The following GALNTL6 variants were observed in gnomAD, a reference collection of about 807,000 sequenced individuals.
GALNTL6 encodes polypeptide N-acetylgalactosaminyltransferase like 6.
A neutral mutation model predicts 73.7 loss-of-function variants in GALNTL6; 46 were observed. That is an observed-to-expected ratio of 0.62 (90% CI 0.49 to 0.80). GALNTL6 has a LOEUF of 0.80. Among genes scored for constraint, GALNTL6 ranks in the 30% least tolerant of loss-of-function variants. GALNTL6 has a pLI of 0.00. For missense variants in GALNTL6, 604 were observed against 755.0 expected, an observed-to-expected ratio of 0.80 and a Z score of 2.34; for synonymous variants, 259 against 263.7, an observed-to-expected ratio of 0.98 and a Z score of 0.17.
chr4:172,562,321 C>A (rs1047030999), intron 5 of GALNTL6, among the ~76,000 whole-genome samples: 1 of 152,152 alleles, frequency 6.6e-6, no homozygotes, highest in Non-Finnish European at 1.5e-5. Context: ...ACAGAAGAAG[C>A]CATTACCATT....
At chr4:172,649,084 A>G (rs887562835) in intron 5 of GALNTL6, among the ~76,000 whole-genome samples, 26 of 152,282 alleles carry the variant, frequency 1.7e-4, no homozygotes, top group African/African-American at 6.0e-4. Context: ...TTTTTACCCC[A>G]TACTTCAACG....
intron 5 of GALNTL6, among the ~76,000 whole-genome samples, chr4:172,638,818 T>G (rs577307557): frequency 1.1e-4 from 17 of 152,290 alleles, no homozygotes; most frequent in African/African-American, 4.1e-4. Context: ...AATTGTCATC[T>G]TGCCTCTAAT....
intron 2 of GALNTL6, among the ~76,000 whole-genome samples, chr4:172,042,057 C>G (rs1742101488): frequency 6.6e-6 from 1 of 152,028 alleles, no homozygotes; most frequent in Admixed American, 6.6e-5. Flanking sequence ...GGTATTCAGC[C>G]ACCTTCCAGC....
intron 2 of GALNTL6, among the ~76,000 whole-genome samples, chr4:172,010,710 G>C (rs1368338153): frequency 1.3e-5 from 2 of 151,930 alleles, no homozygotes; most frequent in Admixed American, 1.3e-4. Flanking sequence ...CTAAGAGCAT[G>C]GCATACAAGG....
intron 2 of GALNTL6, among the ~76,000 whole-genome samples, chr4:172,032,435 A>G (rs1010241916): frequency 1.3e-5 from 2 of 152,108 alleles, no homozygotes; most frequent in African/African-American, 2.4e-5. Flanking sequence ...AAATAATGCT[A>G]AAGAATTATC....
intron 3 of GALNTL6, among the ~76,000 whole-genome samples, chr4:172,237,293 T>C (rs1227659883): frequency 6.6e-6 from 1 of 152,200 alleles, no homozygotes; most frequent in Non-Finnish European, 1.5e-5. Context: ...ATCTCCAAAA[T>C]TCCACAATGG....
chr4:172,735,491 G>A (rs923039903), intron 5 of GALNTL6, among the ~76,000 whole-genome samples: 19 of 152,072 alleles, frequency 1.2e-4, no homozygotes, highest in African/African-American at 2.2e-4. Context: ...TTATAGGCTC[G>A]TAGGCAGAAG....
At chr4:173,009,525 A>G (rs1752451848) in intron 11 of GALNTL6, among the ~76,000 whole-genome samples, 1 of 152,256 alleles carries the variant, frequency 6.6e-6, no homozygotes, top group Admixed American at 6.5e-5. Flanking sequence ...GTACACAATT[A>G]TCCTCTAAAT....
chr4:172,651,613 C>A (rs1740479154), intron 5 of GALNTL6, among the ~76,000 whole-genome samples: 2 of 152,154 alleles, frequency 1.3e-5, no homozygotes, highest in African/African-American at 4.8e-5. Context: ...TACCTTATTT[C>A]ATCATATATA....
At chr4:172,791,604 G>C (rs1437481558) in intron 5 of GALNTL6, among the ~76,000 whole-genome samples, 1 of 152,152 alleles carries the variant, frequency 6.6e-6, no homozygotes, top group Non-Finnish European at 1.5e-5. Flanking sequence ...TGTCCTCTGA[G>C]GGGGAGGGTG....
chr4:172,160,891 GACACAC>G (rs770975013), intron 2 of GALNTL6, among the ~76,000 whole-genome samples: 3 of 110,882 alleles, frequency 2.7e-5, no homozygotes, highest in Non-Finnish European at 5.6e-5. Flanking sequence ...TATATATATA[GACACAC>G]ACACACACAC....
In GALNTL6 at chr4:172,972,205, C is replaced by T. The variant is rs148783742; in HGVS notation, c.1371+19947C>T. Among the ~76,000 whole-genome samples, 590 of 152,176 alleles carry T rather than the reference C, an allele frequency of 3.9e-3. 2 individuals are homozygous for T. Among genetic ancestry groups the T allele is most frequent in the African/African-American group, 0.014 (563 of 41,520 alleles). ...AGAAAGAAACATGCTAATAATAGAA[C>T]CTTAACACACCTCTCTTGATCCAAG... On this transcript the variant is annotated intron_variant, in intron 10 of 12. Coordinates refer to ENST00000506823, the MANE Select transcript of GALNTL6 (RefSeq NM_001034845.3).
intron 5 of GALNTL6, among the ~76,000 whole-genome samples, chr4:172,719,044 C>T (rs4569731): frequency 0.76 from 115,828 of 152,090 alleles, 45,388 homozygotes; most frequent in Middle Eastern, 0.89. Flanking sequence ...TGGCCAGACA[C>T]CTTTCTTTCG....
chr4:172,040,240 A>G (rs1334928107), intron 2 of GALNTL6, among the ~76,000 whole-genome samples: 1 of 152,076 alleles, frequency 6.6e-6, no homozygotes, highest in African/African-American at 2.4e-5. Flanking sequence ...ATAACCAACA[A>G]TTTAAATACT....
intron 5 of GALNTL6, among the ~76,000 whole-genome samples, chr4:172,586,139 C>G (rs934894308): frequency 7.9e-5 from 12 of 152,136 alleles, no homozygotes; most frequent in African/African-American, 2.9e-4. Context: ...TACTATTTGA[C>G]CCAGCAATTT....
chr4:172,319,783 G>A (rs190948643), intron 4 of GALNTL6, among the ~76,000 whole-genome samples: 6 of 152,138 alleles, frequency 3.9e-5, no homozygotes, highest in Non-Finnish European at 7.3e-5. Flanking sequence ...TTGATCCCTG[G>A]TGAAGTTGGT....
intron 5 of GALNTL6, among the ~76,000 whole-genome samples, chr4:172,620,116 A>C (rs907309040): frequency 6.6e-6 from 1 of 152,162 alleles, no homozygotes; most frequent in African/African-American, 2.4e-5. Flanking sequence ...AGTTGCCAAG[A>C]TGGTTCGAGC....
intron 5 of GALNTL6, among the ~76,000 whole-genome samples, chr4:172,454,085 A>T (rs1380219311): frequency 6.6e-6 from 1 of 152,218 alleles, no homozygotes; most frequent in Non-Finnish European, 1.5e-5. Context: ...GTTTCAGTGG[A>T]GGAAAAGATA....
At chr4:172,102,420 T>C (rs1732544867) in intron 2 of GALNTL6, among the ~76,000 whole-genome samples, 1 of 152,090 alleles carries the variant, frequency 6.6e-6, no homozygotes, top group Non-Finnish European at 1.5e-5. Flanking sequence ...AGGCCAAGAG[T>C]TGTGACCCCT....
Sources: gnomAD v4.1 joint callset for allele counts (sites outside exome capture counted in the v4.1 genomes callset) on GRCh38, gnomAD v4.1.1 for gene constraint, MANE v1.5 for transcripts, NCBI Gene and HGNC (gene_info 2026-07-23, HGNC 2026-07-21) for gene names.